The following ITGA1 variants were observed in gnomAD, a reference collection of about 807,000 sequenced individuals.
The protein encoded by ITGA1 is integrin subunit alpha 1.
Under a neutral mutation model 145.9 loss-of-function variants are expected in ITGA1, and 85 were observed. That is an observed-to-expected ratio of 0.58 (90% CI 0.49 to 0.70). The LOEUF (loss-of-function observed/expected upper bound fraction) is 0.70. ITGA1 is among the 30% of genes least tolerant of loss of function. The pLI, the probability that ITGA1 is intolerant of heterozygous loss-of-function variation, is 0.00. For synonymous variants in ITGA1, 520 were observed against 495.3 expected (o/e 1.05, Z -0.66); for missense variants, 1,351 against 1,418.7 (o/e 0.95, Z 0.77).
chr5:52,906,220 G>A (rs76560463), intron 12 of ITGA1, among the ~76,000 whole-genome samples: 1 of 152,174 alleles, frequency 6.6e-6, no homozygotes, highest in Non-Finnish European at 1.5e-5. Context: ...AATATGATGG[G>A]ATTGCTTTAA....
rs536824077 is a variant in ITGA1, at chr5:52,844,996, C to G, written c.62-4369C>G. Among the ~76,000 whole-genome samples, 3 of 152,196 alleles carry G rather than the reference C, an allele frequency of 2.0e-5. No individual in the cohort carries two copies. In the East Asian group the frequency reaches 5.8e-4, roughly 29 times the overall value. ...GTCATCTCCTGTTCTTCAGGCTCTT[C>G]GGTGCCTCAGAAAACATAAAAGAGT... On this transcript the variant is annotated intron_variant, in intron 1 of 28. Transcript: ENST00000282588.
At chr5:52,949,786 T>A (rs940961943) in intron 28 of ITGA1, among the ~76,000 whole-genome samples, 1 of 152,168 alleles carries the variant, frequency 6.6e-6, no homozygotes, top group Admixed American at 6.5e-5. Flanking sequence ...TACTTTAAAG[T>A]TCTGTTGGAA....
At chr5:52,949,456 C>T (rs922116131) in intron 28 of ITGA1, among the ~76,000 whole-genome samples, 9 of 152,102 alleles carry the variant, frequency 5.9e-5, no homozygotes, top group Admixed American at 5.9e-4. Context: ...ATCTTTTCGA[C>T]CAAGTATTTT....
intron 1 of ITGA1, among the ~76,000 whole-genome samples, chr5:52,834,427 A>G (rs1345811814): frequency 6.6e-6 from 1 of 151,708 alleles, no homozygotes; most frequent in Non-Finnish European, 1.5e-5. Flanking sequence ...TACATAGTGG[A>G]GAGAGACAGA....
intron 12 of ITGA1, among the ~76,000 whole-genome samples, chr5:52,906,945 A>T (rs1750417989): frequency 6.6e-6 from 1 of 152,200 alleles, no homozygotes; most frequent in African/African-American, 2.4e-5. Context: ...AACACCATAG[A>T]CATAGCTTCC....
chr5:52,861,883 A>AG (rs1383791851), intron 3 of ITGA1, among the ~76,000 whole-genome samples: 1 of 151,634 alleles, frequency 6.6e-6, no homozygotes, highest in Admixed American at 6.6e-5. Context: ...AAAAAAAAAA[A>AG]AAAAAATCAG....
At chr5:52,803,843 ATCTGATAAACAAAGGCAATAGGTTATTCT>A (rs1366704208) in intron 1 of ITGA1, 1 of 152,188 alleles carries the variant, frequency 6.6e-6, no homozygotes. Flanking sequence ...GCATAATAAA[ATCTGATAAACAAAGGCAATAGGTTATTCT>A]TCCTGTGCTG....
rs190879929 is a variant in ITGA1, at chr5:52,955,120, G to T, written c.*2669G>T. ...TCTCTTTTCTGACCAAACTACAATGGTATATTGGTAAATTATTTAACAACA... is the reference window on the plus strand; with the variant it reads ...TCTCTTTTCTGACCAAACTACAATGTTATATTGGTAAATTATTTAACAACA... On this transcript the variant is annotated 3_prime_UTR_variant, in exon 29 of 29. Transcript: ENST00000282588. 6.6e-6 allele frequency: 1 copy of T among 151,228 alleles called. No individual in the cohort carries two copies. Among genetic ancestry groups the T allele is most frequent in the Admixed American group, 6.6e-5 (1 of 15,100 alleles). The allele number at this position is 151,228 out of a possible 1,614,324, so 9.4% of individuals were successfully genotyped here. A position where few individuals can be genotyped will look rare whatever the true frequency, so the allele number is the denominator to read the frequency against.
chr5:52,888,104 C>T (rs1750083546), intron 8 of ITGA1, 139 bp downstream of exon 8: 1 of 803,426 alleles, frequency 1.2e-6, no homozygotes, highest in African/African-American at 1.7e-5. Context: ...CCTGGGAGGA[C>T]AGACTTGGAT....
chr5:52,813,701 C>T (rs1164036617), intron 1 of ITGA1, among the ~76,000 whole-genome samples: 2 of 152,134 alleles, frequency 1.3e-5, no homozygotes, highest in Non-Finnish European at 2.9e-5. Flanking sequence ...ATTGAAAGGT[C>T]ACATGCCCAC....
intron 3 of ITGA1, 92 bp downstream of exon 3, chr5:52,861,651 G>A (rs943535355): frequency 5.4e-5 from 41 of 757,092 alleles, no homozygotes; most frequent in African/African-American, 8.7e-5. Context: ...CAGGCATATC[G>A]TTTGAGCCCA....
intron 6 of ITGA1, chr5:52,866,908 G>T (rs1009867926): frequency 4.6e-5 from 7 of 152,092 alleles, no homozygotes; most frequent in Non-Finnish European, 1.0e-4. Context: ...CCTCAGGTCA[G>T]GAATTAGCCC....
At chr5:52,880,475 T>C (rs1327795773) in intron 6 of ITGA1, among the ~76,000 whole-genome samples, 3 of 152,214 alleles carry the variant, frequency 2.0e-5, no homozygotes, top group Non-Finnish European at 4.4e-5. Flanking sequence ...CACCAGAATA[T>C]GCTTTTAGTT....
intron 18 of ITGA1, 80 bp from the exon 19 acceptor site, chr5:52,925,197 AT>A: frequency 1.9e-6 from 2 of 1,072,516 alleles, no homozygotes; most frequent in Middle Eastern, 2.0e-4. Context: ...GCTGTATGCC[AT>A]TTTTGTTACA....
chr5:52,800,965 C>T (rs747754030), intron 1 of ITGA1: 1 of 1,614,192 alleles, frequency 6.2e-7, no homozygotes, highest in South Asian at 1.1e-5. Flanking sequence ...ACAGGTGGTC[C>T]AGGCTATCCA....
At chr5:52,876,395 G>T (rs935073874) in intron 6 of ITGA1, among the ~76,000 whole-genome samples, 5 of 152,030 alleles carry the variant, frequency 3.3e-5, no homozygotes, top group African/African-American at 1.2e-4. Context: ...TTAATAAATG[G>T]TACCCTTTTC....
rs900223862 is a variant in ITGA1 at position 52,788,317 on chromosome 5, A to G, written c.-37A>G. 1.0e-5 allele frequency: 15 copies of G among 1,480,044 alleles called. No homozygotes were observed. In the East Asian group the frequency reaches 4.2e-4, roughly 42 times the overall value. The allele number at this position is 1,480,044 out of a possible 1,614,324, so 91.7% of individuals were successfully genotyped here. On this transcript the variant is annotated 5_prime_UTR_variant, in exon 1 of 29. Transcript: ENST00000282588. ...TCCCGCGCCCGGTCCTGCCCTGCGA[A>G]CCAGCGCGGCCCCCTGGCGCTGAGG...
intron 6 of ITGA1, among the ~76,000 whole-genome samples, chr5:52,878,693 T>G (rs1304197900): frequency 1.3e-5 from 2 of 152,062 alleles, no homozygotes; most frequent in Non-Finnish European, 2.9e-5. Context: ...TAGTAAAAAA[T>G]AGTTGTAGTG....
intron 14 of ITGA1, among the ~76,000 whole-genome samples, chr5:52,911,942 A>C (rs1367730440): frequency 3.0e-5 from 3 of 100,012 alleles, no homozygotes; most frequent in Non-Finnish European, 5.6e-5. Flanking sequence ...TCTACTATAT[A>C]TACTATATAT....
Sources: gnomAD v4.1 joint callset for allele counts (sites outside exome capture counted in the v4.1 genomes callset) on GRCh38, gnomAD v4.1.1 for gene constraint, MANE v1.5 for transcripts, NCBI Gene and HGNC (gene_info 2026-07-23, HGNC 2026-07-21) for gene names.